Variants in UBASH3B observed in about 807,000 individuals in gnomAD.
The protein encoded by UBASH3B is ubiquitin associated and SH3 domain containing B, also known as ubiquitin-associated and SH3 domain-containing protein B.
Under a neutral mutation model 83.4 loss-of-function variants are expected in UBASH3B, and 37 were observed. That is an observed-to-expected ratio of 0.44 (90% CI 0.34 to 0.58). UBASH3B has a LOEUF of 0.58. UBASH3B is among the 20% of genes least tolerant of loss of function. The pLI, the probability that UBASH3B is intolerant of heterozygous loss-of-function variation, is 0.01. For missense variants in UBASH3B, 657 were observed against 827.2 expected, an observed-to-expected ratio of 0.79 and a Z score of 2.52; for synonymous variants, 304 against 318.3, an observed-to-expected ratio of 0.96 and a Z score of 0.48.
intron 1 of UBASH3B, among the ~76,000 whole-genome samples, chr11:122,664,542 C>T (rs1334133559): frequency 6.6e-6 from 1 of 152,192 alleles, no homozygotes; most frequent in African/African-American, 2.4e-5. Flanking sequence ...TGGTTTTTCT[C>T]TTTTCCCTGG....
rs1861413733 is a variant in UBASH3B, at chr11:122,810,064, A to C, written c.*178A>C. The C allele has an allele frequency of 1.4e-6, 1 of 730,958 alleles. No homozygotes were observed. The highest frequency in any genetic ancestry group is 2.1e-6 in the Non-Finnish European group (1 of 474,972). 45.3% of individuals were successfully genotyped at this position (730,958 alleles called of 1,614,324 possible). ...TGTAAATGAGAGAAAGACTTGATTCAGAGGAAAAAAATGTGTTCTCTCTGG... is the reference window on the plus strand; with the variant it reads ...TGTAAATGAGAGAAAGACTTGATTCCGAGGAAAAAAATGTGTTCTCTCTGG... On this transcript the variant is annotated 3_prime_UTR_variant, in exon 14 of 14. Transcript: ENST00000284273.
intron 1 of UBASH3B, among the ~76,000 whole-genome samples, chr11:122,671,854 C>T (rs1863597510): frequency 6.6e-6 from 1 of 152,206 alleles, no homozygotes; most frequent in Non-Finnish European, 1.5e-5. Flanking sequence ...TGCTGTGCAG[C>T]TGGCTCCGAA....
chr11:122,777,662 T>A (rs1860761940), intron 3 of UBASH3B, among the ~76,000 whole-genome samples: 2 of 152,100 alleles, frequency 1.3e-5, no homozygotes, highest in South Asian at 4.1e-4. Context: ...AATGCAAAGA[T>A]ATTTACTTGC....
chr11:122,743,476 G>A (rs1861060699), intron 1 of UBASH3B, among the ~76,000 whole-genome samples: 1 of 152,154 alleles, frequency 6.6e-6, no homozygotes, highest in Non-Finnish European at 1.5e-5. Flanking sequence ...TCGGCTTCCA[G>A]AGTTTCGGGA....
intron 1 of UBASH3B, among the ~76,000 whole-genome samples, chr11:122,769,676 T>G (rs1860608973): frequency 6.6e-6 from 1 of 152,180 alleles, no homozygotes; most frequent in African/African-American, 2.4e-5. Flanking sequence ...TAAAACTACT[T>G]TATGAAAAAG....
chr11:122,737,019 G>A (rs1184901579), intron 1 of UBASH3B, among the ~76,000 whole-genome samples: 2 of 152,172 alleles, frequency 1.3e-5, no homozygotes, highest in African/African-American at 4.8e-5. Flanking sequence ...TGTTCCTGAA[G>A]AAAGAATGCA....
At chr11:122,689,504 A>C (rs950521969) in intron 1 of UBASH3B, among the ~76,000 whole-genome samples, 1 of 152,142 alleles carries the variant, frequency 6.6e-6, no homozygotes, top group African/African-American at 2.4e-5. Flanking sequence ...AAACTCTCAA[A>C]CTGGGTTTTT....
intron 1 of UBASH3B, among the ~76,000 whole-genome samples, chr11:122,710,194 A>G (rs1864173917): frequency 6.6e-6 from 1 of 151,890 alleles, no homozygotes; most frequent in African/African-American, 2.4e-5. Flanking sequence ...CATGGATTTA[A>G]GATAATCATA....
intron 1 of UBASH3B, among the ~76,000 whole-genome samples, chr11:122,733,516 A>G (rs116754591): frequency 0.015 from 2,290 of 152,318 alleles, 58 homozygotes; most frequent in African/African-American, 0.052. Flanking sequence ...TCCAAGTTTC[A>G]CATCAGTAAT....
intron 6 of UBASH3B, among the ~76,000 whole-genome samples, chr11:122,793,297 C>T (rs957435396): frequency 2.6e-5 from 4 of 152,186 alleles, no homozygotes; most frequent in Non-Finnish European, 5.9e-5. Context: ...GCAGGAAAAT[C>T]GCTTGAACCT....
chr11:122,656,068 C>G lies in UBASH3B; in HGVS notation c.19C>G (p.Pro7Ala), dbSNP rs149619094. 1.1e-5 allele frequency: 18 copies of G among 1,599,488 alleles called. No homozygotes were observed. Among genetic ancestry groups the G allele is most frequent in the Non-Finnish European group, 1.5e-5 (18 of 1,174,402 alleles). Residue 7 changes from proline (P) to alanine (A), a missense_variant, in exon 1 of 14, where the codon CCC (proline) becomes GCC (alanine). Physicochemically the swap from Pro to Ala is conservative, Grantham distance 27. Around this residue, in one of 3 missense-constraint regions of UBASH3B, gnomAD observed 78 missense variants for 68.4 expected, o/e 1.14. Transcript: ENST00000284273. ...CTGAGCCATGGCTCAGTACGGCCAC[C>G]CCAGTCCGCTCGGCATGGCTGCGAG... The part of the protein sequence containing the change: MAQYGH[P>A]SPLGMAAREE...
At chr11:122,674,891 G>C (rs936579571) in intron 1 of UBASH3B, among the ~76,000 whole-genome samples, 1 of 151,542 alleles carries the variant, frequency 6.6e-6, no homozygotes, top group African/African-American at 2.4e-5. Flanking sequence ...ATCATACCCG[G>C]CTAATTTTCG....
rs1237810812 is a variant in UBASH3B, at chr11:122,777,028, T to C, written c.220T>C (p.Phe74Leu). 3 of 1,604,724 alleles carry C rather than the reference T, an allele frequency of 1.9e-6. No individual in the cohort carries two copies. The highest frequency in any genetic ancestry group is 2.6e-6 in the Non-Finnish European group (3 of 1,175,536). Reference sequence around the variant, plus strand: ...TGGCTTACTTCTGTCTTACAGGTTATTCTCCCATGTCGGTGACCCCTTCCT... The same window carrying C: ...TGGCTTACTTCTGTCTTACAGGTTACTCTCCCATGTCGGTGACCCCTTCCT... ...RSVQAACDWLFSHVGDPFLDD... is the reference protein window; with the variant it reads ...RSVQAACDWLLSHVGDPFLDD... The change falls in exon 3 of 14, where the codon TTC becomes CTC. Residue 74 changes from phenylalanine (F) to leucine (L), a missense_variant. This residue lies in a region of UBASH3B where 573 missense variants were observed against 739.0 expected (regional missense o/e 0.78). Transcript: ENST00000284273.
intron 11 of UBASH3B, among the ~76,000 whole-genome samples, chr11:122,802,558 A>G (rs1221402845): frequency 6.6e-6 from 1 of 152,078 alleles, no homozygotes; most frequent in Non-Finnish European, 1.5e-5. Context: ...CATTAAAGCA[A>G]TGTGCATTTC....
At chr11:122,705,944 C>T (rs1463900278) in intron 1 of UBASH3B, among the ~76,000 whole-genome samples, 1 of 152,050 alleles carries the variant, frequency 6.6e-6, no homozygotes, top group Non-Finnish European at 1.5e-5. Flanking sequence ...GTGTGGCATC[C>T]ACTCCACAAG....
At chr11:122,719,822 C>T (rs573714672) in intron 1 of UBASH3B, among the ~76,000 whole-genome samples, 1 of 152,284 alleles carries the variant, frequency 6.6e-6, no homozygotes, top group South Asian at 2.1e-4. Flanking sequence ...ACAGTAGTGC[C>T]ATATATTGTG....
intron 1 of UBASH3B, among the ~76,000 whole-genome samples, chr11:122,749,367 A>G (rs1284620228): frequency 6.6e-6 from 1 of 152,260 alleles, no homozygotes; most frequent in African/African-American, 2.4e-5. Flanking sequence ...AAAGCACTTC[A>G]TGTATTGGCA....
chr11:122,691,699 A>G (rs1863899583), intron 1 of UBASH3B, among the ~76,000 whole-genome samples: 1 of 152,236 alleles, frequency 6.6e-6, no homozygotes, highest in African/African-American at 2.4e-5. Flanking sequence ...GGTATTTTAC[A>G]AATGAAAAAG....
intron 1 of UBASH3B, among the ~76,000 whole-genome samples, chr11:122,749,986 G>A (rs1189090222): frequency 2.0e-5 from 3 of 152,188 alleles, no homozygotes; most frequent in Non-Finnish European, 4.4e-5. Context: ...GCCGGCTTTG[G>A]CTTCCCAAAG....
Sources: gnomAD v4.1 joint callset for allele counts (sites outside exome capture counted in the v4.1 genomes callset) on GRCh38, gnomAD v4.1.1 for gene constraint, gnomAD v4.1.1 regional missense constraint, MANE v1.5 for transcripts, NCBI Gene and HGNC (gene_info 2026-07-23, HGNC 2026-07-21) for gene names.